WHRN: variants seen among roughly 807,000 people sequenced by gnomAD.
WHRN encodes the protein whirlin, also known as CASK-interacting protein CIP98.
A neutral mutation model predicts 68.3 loss-of-function variants in WHRN; 41 were observed. The ratio of observed to expected loss-of-function variants is 0.60; its 90% confidence interval spans 0.47 to 0.78. WHRN has a LOEUF of 0.78. Among genes scored for constraint, WHRN ranks in the 30% least tolerant of loss-of-function variants. WHRN has a pLI of 0.00. For missense variants in WHRN, 1,243 were observed against 1,244.7 expected, an observed-to-expected ratio of 1.00 and a Z score of 0.02; for synonymous variants, 560 against 561.3, an observed-to-expected ratio of 1.00 and a Z score of 0.03.
At chr9:114,409,060 G>A (rs1835242169) in intron 7 of WHRN, among the ~76,000 whole-genome samples, 1 of 152,232 alleles carries the variant, frequency 6.6e-6, no homozygotes, top group South Asian at 2.1e-4. Flanking sequence ...TGGCAGATCA[G>A]GGGACTTCTC....
At chr9:114,432,459 G>T (rs1255324630) in intron 3 of WHRN, among the ~76,000 whole-genome samples, 1 of 152,212 alleles carries the variant, frequency 6.6e-6, no homozygotes, top group Non-Finnish European at 1.5e-5. Context: ...CCCAAAATGG[G>T]AACAAGACCA....
At chr9:114,456,748 G>A (rs1426073529) in intron 3 of WHRN, among the ~76,000 whole-genome samples, 2 of 151,590 alleles carry the variant, frequency 1.3e-5, no homozygotes, top group African/African-American at 2.4e-5. Flanking sequence ...AGAATCGCTT[G>A]AACCCGGGAG....
intron 1 of WHRN, among the ~76,000 whole-genome samples, chr9:114,492,726 C>T (rs1345379607): frequency 2.6e-5 from 4 of 152,148 alleles, no homozygotes; most frequent in East Asian, 3.8e-4. Context: ...TGACTCACAC[C>T]TGTAGTCCCA....
intron 3 of WHRN, among the ~76,000 whole-genome samples, chr9:114,445,940 G>A (rs1374210950): frequency 6.6e-6 from 1 of 152,168 alleles, no homozygotes; most frequent in Non-Finnish European, 1.5e-5. Flanking sequence ...TTAGCCCCAA[G>A]ATGGAATATG....
rs150492901 is a variant in WHRN, at chr9:114,402,791, A to G, written c.2687T>C (p.Ile896Thr). The change falls in exon 12 of 12, where the codon ATT becomes ACT. Residue 896 changes from isoleucine to threonine, a missense_variant. Coordinates refer to ENST00000362057, the MANE Select transcript of WHRN (RefSeq NM_015404.4). Reference protein sequence around the residue: ...EAFKTKDRDYIDFLVTEFNVM... With the variant: ...EAFKTKDRDYTDFLVTEFNVM... ...ATTGAACTCAGTGACCAGAAAGTCA[A>G]TGTAGTCACGGTCCTTAGTCTTGAA... is the stretch of plus-strand genomic sequence containing the variant. 1.2e-6 allele frequency: 2 copies of G among 1,613,950 alleles called. No individual in the cohort carries two copies. Among genetic ancestry groups the G allele is most frequent in the African/African-American group, 1.3e-5 (1 of 74,932 alleles).
rs374308408 is a variant in WHRN, at chr9:114,432,248, A to G, written c.964-5835T>C. On this transcript the variant is annotated intron_variant, in intron 3 of 11. Transcript: ENST00000362057. ...ACGGCGGGGCTTCAATAAGGGCAGG[A>G]TACCGATTTCCCTGAAATTGGCCAA... Among the ~76,000 whole-genome samples the G allele has an allele frequency of 2.0e-5, 3 of 152,292 alleles. No homozygotes were observed. The East Asian group carries it at 5.8e-4, about 29-fold the overall frequency.
intron 3 of WHRN, among the ~76,000 whole-genome samples, chr9:114,451,647 G>A (rs1839346063): frequency 6.6e-6 from 1 of 152,112 alleles, no homozygotes; most frequent in South Asian, 2.1e-4. Flanking sequence ...GCTGCCTACA[G>A]GGGAAGGCCC....
At chr9:114,403,869 C>T (rs1383395465) in intron 10 of WHRN, 27 bp downstream of exon 10, 1 of 1,608,744 alleles carries the variant, frequency 6.2e-7, no homozygotes, top group Non-Finnish European at 8.5e-7. Context: ...CCTCTCAGCC[C>T]TCTGCATCCT....
At chr9:114,486,925 A>G (rs1447126357) in intron 1 of WHRN, among the ~76,000 whole-genome samples, 7 of 51,018 alleles carry the variant, frequency 1.4e-4, no homozygotes, top group African/African-American at 4.2e-4. Context: ...GTGTGTGTGT[A>G]GAGTGTGTGT....
intron 2 of WHRN, 58 bp downstream of exon 2, chr9:114,478,495 G>C: frequency 6.3e-7 from 1 of 1,589,468 alleles, no homozygotes; most frequent in Non-Finnish European, 8.6e-7. Context: ...TGCTGTTCTG[G>C]GTTCGGAGGG....
chr9:114,420,797 G>C (rs1365925260), intron 7 of WHRN, among the ~76,000 whole-genome samples: 1 of 152,122 alleles, frequency 6.6e-6, no homozygotes, highest in South Asian at 2.1e-4. Context: ...GCATTTCTGG[G>C]ATGCTGGTAC....
chr9:114,412,601 A>G (rs1270177024), intron 7 of WHRN, among the ~76,000 whole-genome samples: 1 of 152,254 alleles, frequency 6.6e-6, no homozygotes, highest in Non-Finnish European at 1.5e-5. Flanking sequence ...GCTTCCCATA[A>G]GAGCCAAGAT....
At chr9:114,409,814 C>G (rs56106064) in intron 7 of WHRN, among the ~76,000 whole-genome samples, 1 of 151,850 alleles carries the variant, frequency 6.6e-6, no homozygotes, top group African/African-American at 2.4e-5. Flanking sequence ...AAAATCGTAA[C>G]CTTCCCCTCA....
chr9:114,502,687 C>T (rs1237227886), intron 1 of WHRN, among the ~76,000 whole-genome samples: 1 of 152,162 alleles, frequency 6.6e-6, no homozygotes, highest in African/African-American at 2.4e-5. Context: ...CTTTCCAAAG[C>T]ATATCACCTT....
chr9:114,503,067 A>T, intron 1 of WHRN: 1 of 940,942 alleles, frequency 1.1e-6, no homozygotes, highest in Non-Finnish European at 1.3e-6. Flanking sequence ...GAGGGAAGCC[A>T]ACATCAGGTG....
At chr9:114,457,850 A>G (rs1839932288) in intron 3 of WHRN, among the ~76,000 whole-genome samples, 2 of 149,102 alleles carry the variant, frequency 1.3e-5, no homozygotes, top group Admixed American at 1.4e-4. Context: ...CAGGAGGCAG[A>G]GGTTGCAGTG....
intron 1 of WHRN, chr9:114,503,361 C>A (rs1844103794): frequency 9.6e-6 from 2 of 208,830 alleles, no homozygotes; most frequent in Non-Finnish European, 1.7e-5. Context: ...GGGAAAAATG[C>A]CTGCAAAGGA....
intron 1 of WHRN, among the ~76,000 whole-genome samples, chr9:114,494,201 G>T (rs1311449755): frequency 9.2e-5 from 14 of 152,204 alleles, no homozygotes; most frequent in Non-Finnish European, 2.1e-4. Flanking sequence ...TTTTTAGTGC[G>T]CTAAGTACTG....
chr9:114,424,326 C>A lies in WHRN; in HGVS notation c.1416+8G>T. On this transcript the variant is annotated splice_region_variant and intron_variant, in intron 6 of 11. Coordinates refer to ENST00000362057, the MANE Select transcript of WHRN (RefSeq NM_015404.4). ...CTGAAGCCAGTTGGGAGGCAGGGCA[C>A]GGGTCACCTTGGCGTGGGTGTTGAG... 6.2e-7 allele frequency: 1 copy of A among 1,612,160 alleles called. No individual in the cohort carries two copies. The highest frequency in any genetic ancestry group is 8.5e-7 in the Non-Finnish European group (1 of 1,179,966).
Sources: gnomAD v4.1 joint callset for allele counts (sites outside exome capture counted in the v4.1 genomes callset) on GRCh38, gnomAD v4.1.1 for gene constraint, MANE v1.5 for transcripts, NCBI Gene and HGNC (gene_info 2026-07-23, HGNC 2026-07-21) for gene names.